DRGX: variants seen among roughly 807,000 people sequenced by gnomAD.
DRGX encodes dorsal root ganglia homeobox protein.
Under a neutral mutation model 28.6 loss-of-function variants are expected in DRGX, and 21 were observed. That is an observed-to-expected ratio of 0.73 (90% CI 0.52 to 1.06). The LOEUF (loss-of-function observed/expected upper bound fraction) is 1.06, where lower values mean the gene tolerates loss of function less well. Among genes scored for constraint, DRGX ranks in the 50% least tolerant of loss-of-function variants. DRGX has a pLI of 0.00. For missense variants in DRGX, 354 were observed against 343.9 expected, an observed-to-expected ratio of 1.03 and a Z score of -0.23; for synonymous variants, 136 against 139.1, an observed-to-expected ratio of 0.98 and a Z score of 0.16.
intron 4 of DRGX, among the ~76,000 whole-genome samples, chr10:49,387,385 G>T (rs769368736): frequency 6.6e-6 from 1 of 152,144 alleles, no homozygotes; most frequent in Non-Finnish European, 1.5e-5. Flanking sequence ...TGGGTCAGGC[G>T]TGGTGGCTCA....
chr10:49,385,339 C>A (rs1849820646), intron 6 of DRGX, among the ~76,000 whole-genome samples: 1 of 152,154 alleles, frequency 6.6e-6, no homozygotes. Flanking sequence ...AGTGGAAAGT[C>A]CAGACTCAGG....
rs1849583548 is a variant in DRGX at position 49,365,039 on chromosome 10, A to G, written c.*1077T>C. 1 of 152,176 alleles carries G rather than the reference A, an allele frequency of 6.6e-6. No individual in the cohort carries two copies. Among genetic ancestry groups the G allele is most frequent in the South Asian group, 2.1e-4 (1 of 4,822 alleles). The allele number at this position is 152,176 out of a possible 1,614,324, so 9.4% of individuals were successfully genotyped here. ...TAGACCAAAACAGAAATCTCTGTGA[A>G]ATTTGGCCCTTTGGAATTAATGCTC... On this transcript the variant is annotated 3_prime_UTR_variant, in exon 7 of 7. Coordinates refer to ENST00000374139, the MANE Select transcript of DRGX (RefSeq NM_001276451.2).
rs1029114119 is a variant in DRGX at position 49,391,365 on chromosome 10, G to T, written c.35-104C>A. 6.0e-6 allele frequency: 5 copies of T among 838,302 alleles called. No individual in the cohort carries two copies. In the African/African-American group the frequency reaches 8.5e-5, roughly 14 times the overall value. 51.9% of individuals were successfully genotyped at this position (838,302 alleles called of 1,614,324 possible). Reference sequence around the variant, plus strand: ...ACCCACCTGACCCACCAGACAGGAAGCCCTGTTTGTCCCAAAGGATATTTT... The same window carrying T: ...ACCCACCTGACCCACCAGACAGGAATCCCTGTTTGTCCCAAAGGATATTTT... On this transcript the variant is annotated intron_variant, in intron 2 of 6. Transcript: ENST00000374139.
At chr10:49,368,375 A>G (rs1351872369) in intron 6 of DRGX, among the ~76,000 whole-genome samples, 3 of 152,228 alleles carry the variant, frequency 2.0e-5, no homozygotes, top group African/African-American at 7.2e-5. Context: ...GGCAGCACAC[A>G]CGCACAGTGT....
intron 6 of DRGX, among the ~76,000 whole-genome samples, chr10:49,383,693 G>A (rs10857481): frequency 0.24 from 36,210 of 152,136 alleles, 4,563 homozygotes; most frequent in East Asian, 0.45. Flanking sequence ...CGGAGCTCTC[G>A]TGAATGGGAC....
intron 4 of DRGX, among the ~76,000 whole-genome samples, chr10:49,387,337 G>A (rs931395755): frequency 6.6e-6 from 1 of 152,094 alleles, no homozygotes; most frequent in Non-Finnish European, 1.5e-5. Flanking sequence ...ACATATTCGT[G>A]ATCAGCAGCC....
intron 6 of DRGX, among the ~76,000 whole-genome samples, chr10:49,381,231 G>A (rs557557873): frequency 2.6e-5 from 4 of 152,318 alleles, no homozygotes; most frequent in South Asian, 2.1e-4. Context: ...GTTGCCTCAC[G>A]GCCTGATGGG....
At chr10:49,386,184 A>G (rs1849831863) in intron 6 of DRGX, among the ~76,000 whole-genome samples, 1 of 152,136 alleles carries the variant, frequency 6.6e-6, no homozygotes, top group Non-Finnish European at 1.5e-5. Context: ...CACTGTTACC[A>G]GGGAGCAGGA....
chr10:49,393,693 T>C (rs1564710649), intron 2 of DRGX, among the ~76,000 whole-genome samples: 1 of 152,238 alleles, frequency 6.6e-6, no homozygotes, highest in Non-Finnish European at 1.5e-5. Context: ...CTAAACTAAA[T>C]TACTCCTTTC....
chr10:49,376,479 G>A (rs1486196919), intron 6 of DRGX, among the ~76,000 whole-genome samples: 4 of 152,270 alleles, frequency 2.6e-5, no homozygotes, highest in Non-Finnish European at 4.4e-5. Context: ...TGGGTACTGG[G>A]AGACTCTCCC....
chr10:49,384,266 G>A (rs1030101848), intron 6 of DRGX, among the ~76,000 whole-genome samples: 5 of 152,322 alleles, frequency 3.3e-5, no homozygotes, highest in South Asian at 2.1e-4. Flanking sequence ...ACCTGCACAC[G>A]CTCACTTTGT....
intron 6 of DRGX, among the ~76,000 whole-genome samples, chr10:49,378,802 T>A (rs1013109572): frequency 6.6e-6 from 1 of 152,156 alleles, no homozygotes; most frequent in Non-Finnish European, 1.5e-5. Flanking sequence ...GTAAACATAG[T>A]GCTGAGCCGA....
chr10:49,366,389 A>G lies in DRGX; in HGVS notation c.527-8T>C. The G allele has an allele frequency of 6.3e-7, 1 of 1,592,174 alleles. No individual in the cohort carries two copies. Among genetic ancestry groups the G allele is most frequent in the Non-Finnish European group, 8.6e-7 (1 of 1,165,202 alleles). On this transcript the variant is annotated splice_region_variant and splice_polypyrimidine_tract_variant and intron_variant, in intron 6 of 6. Coordinates refer to ENST00000374139, the MANE Select transcript of DRGX (RefSeq NM_001276451.2). ...AAGAGCACAGTGGGCCCCCTGGAAA[A>G]GGAAAAACAACAGGCTCCCATCACT...
Position 49,395,396 on chromosome 10 carries a change from C to A in DRGX, c.34+11G>T, listed in dbSNP as rs577624354. Reference sequence around the variant, plus strand: ...GCTTCATGGAGACCCTGGGGCGCAGCGCTTACTTACCCTCTAGCTGTGGCG... The same window carrying A: ...GCTTCATGGAGACCCTGGGGCGCAGAGCTTACTTACCCTCTAGCTGTGGCG... On this transcript the variant is annotated intron_variant, in intron 2 of 6. Coordinates refer to ENST00000374139, the MANE Select transcript of DRGX (RefSeq NM_001276451.2). 7.1e-6 allele frequency: 11 copies of A among 1,550,144 alleles called. 1 individual carries two copies. The African/African-American group carries it at 8.2e-5, about 12-fold the overall frequency.
At chr10:49,381,542 G>T (rs778598994) in intron 6 of DRGX, among the ~76,000 whole-genome samples, 43 of 152,196 alleles carry the variant, frequency 2.8e-4, no homozygotes, top group Non-Finnish European at 5.7e-4. Flanking sequence ...CTCAATATGT[G>T]CAAGACAAGG....
At chr10:49,366,915 G>A (rs1206358558) in intron 6 of DRGX, among the ~76,000 whole-genome samples, 1 of 152,200 alleles carries the variant, frequency 6.6e-6, no homozygotes, top group African/African-American at 2.4e-5. Context: ...TTATTGCTTT[G>A]TGAAGCTGGA....
At position 49,386,780 on chromosome 10, in the gene DRGX, G is replaced by T. The variant is rs1159509372; in HGVS notation, c.313C>A (p.Pro105Thr). The change falls in exon 5 of 7, where the codon CCC becomes ACC. Residue 105 changes from proline (P) to threonine (T), a missense_variant. Pro to Thr is a conservative substitution (Grantham distance 38). Transcript: ENST00000374139. ...ASDQEPGAKEPMAEVTPPPVR... is the reference protein window; with the variant it reads ...ASDQEPGAKETMAEVTPPPVR... ...GGAGGAGGTGTCACCTCTGCCATGG[G>T]CTCCTTGGCTCCTGGCTCCTGGTCT... The T allele has an allele frequency of 1.9e-6, 3 of 1,609,722 alleles. No individual in the cohort carries two copies. The Admixed American group carries it at 5.1e-5, about 27-fold the overall frequency.
chr10:49,367,861 G>A (rs1039304317), intron 6 of DRGX, among the ~76,000 whole-genome samples: 1 of 152,144 alleles, frequency 6.6e-6, no homozygotes, highest in Non-Finnish European at 1.5e-5. Context: ...AGCCACCAAG[G>A]GGCAGTAATC....
chr10:49,379,503 G>A (rs1348282826), intron 6 of DRGX, among the ~76,000 whole-genome samples: 2 of 152,170 alleles, frequency 1.3e-5, no homozygotes, highest in African/African-American at 4.8e-5. Flanking sequence ...GTTTTGGGGG[G>A]CCTCAGAGGA....
Sources: gnomAD v4.1 joint callset for allele counts (sites outside exome capture counted in the v4.1 genomes callset) on GRCh38, gnomAD v4.1.1 for gene constraint, MANE v1.5 for transcripts, NCBI Gene and HGNC (gene_info 2026-07-23, HGNC 2026-07-21) for gene names.